The following PIGV variants were observed in gnomAD, a reference collection of about 807,000 sequenced individuals.
The protein encoded by PIGV is GPI alpha-1,6-mannosyltransferase 2.
PIGV carries 27 observed loss-of-function variants against 39.2 expected under a neutral mutation model. The ratio of observed to expected loss-of-function variants is 0.69; its 90% CI spans 0.51 to 0.95. The LOEUF (loss-of-function observed/expected upper bound fraction) is 0.95, where lower values mean the gene tolerates loss of function less well. Among genes scored for constraint, PIGV ranks in the 40% least tolerant of loss-of-function variants. The pLI is 0.00. For missense variants in PIGV, 523 were observed against 586.4 expected (o/e 0.89, Z 1.12); for synonymous variants, 232 against 241.7 (o/e 0.96, Z 0.37).
intron 3 of PIGV, among the ~76,000 whole-genome samples, chr1:26,796,135 C>T (rs967438033): frequency 6.7e-6 from 1 of 149,606 alleles, no homozygotes; most frequent in African/African-American, 2.5e-5. Flanking sequence ...GCTGGGATTA[C>T]AGGCGTGAGC....
intron 1 of PIGV, 71 bp from the exon 2 acceptor site, chr1:26,790,688 G>C: frequency 2.8e-6 from 2 of 726,126 alleles, no homozygotes; most frequent in South Asian, 3.1e-5. Context: ...GAGAGGGGAG[G>C]TTCCAGTGAC....
At chr1:26,790,417 A>C (rs1289952169) in intron 1 of PIGV, among the ~76,000 whole-genome samples, 1 of 152,162 alleles carries the variant, frequency 6.6e-6, no homozygotes, top group Non-Finnish European at 1.5e-5. Flanking sequence ...TAAAGAACTG[A>C]GGCTCAGAGG....
At position 26,798,756 on chromosome 1, in the gene PIGV, G is replaced by A. The variant is rs935484858; in HGVS notation, c.*912G>A. ...TACAAATCTTTCCATGTGGCAAAAAGTAAAATAATTTTAAAAAGTTAAAAT... is the reference window on the plus strand; with the variant it reads ...TACAAATCTTTCCATGTGGCAAAAAATAAAATAATTTTAAAAAGTTAAAAT... On this transcript the variant is annotated 3_prime_UTR_variant, in exon 4 of 4. Coordinates refer to ENST00000674202, the MANE Select transcript of PIGV (RefSeq NM_017837.4). Among the ~76,000 whole-genome samples the A allele has an allele frequency of 1.3e-5, 2 of 152,150 alleles. No individual in the cohort carries two copies. The highest frequency in any genetic ancestry group is 2.9e-5 in the Non-Finnish European group (2 of 68,024).
In PIGV at chr1:26,794,766, G is replaced by C; in HGVS notation, c.732G>C (p.Ser244=). The C allele has an allele frequency of 6.2e-7, 1 of 1,614,044 alleles. No individual in the cohort carries two copies. Among genetic ancestry groups the C allele is most frequent in the Non-Finnish European group, 8.5e-7 (1 of 1,180,008 alleles). ...AGCTGATGGCCTCTCTGTTTCTGTC[G>C]GTGTTCACACTTGGCCTTCCCTTTG... ...LFKLMASLFL[S]VFTLGLPFAL... is the part of the protein sequence containing the mutation. Residue 244 remains serine, a synonymous_variant, in exon 3 of 4, where the codon TCG becomes TCC. Coordinates refer to ENST00000674202, the MANE Select transcript of PIGV (RefSeq NM_017837.4).
Position 26,794,883 on chromosome 1 carries a change from G to A in PIGV, c.849G>A (p.Lys283=), listed in dbSNP as rs766949878. 6.2e-7 allele frequency: 1 copy of A among 1,614,204 alleles called. No individual in the cohort carries two copies. ...PEPLVQLAVD[K]GYRIAEGNEP... is the part of the protein sequence containing the mutation. Reference sequence around the variant, plus strand: ...CTTTGGTACAGTTAGCTGTAGACAAGGGCTACCGGATTGCAGAGGGAAATG... The same window carrying A: ...CTTTGGTACAGTTAGCTGTAGACAAAGGCTACCGGATTGCAGAGGGAAATG... The change falls in exon 3 of 4, where the codon AAG becomes AAA. Residue 283 remains lysine, a synonymous_variant. Transcript: ENST00000674202.
rs1010897932 is a variant in PIGV, at chr1:26,799,758, G to A, written c.*1914G>A. ...GAAAATGTACACACAGATCAGGGCA[G>A]CCCTCTGCCTTCTGCCAAGACACCA... On this transcript the variant is annotated 3_prime_UTR_variant, in exon 4 of 4. Transcript: ENST00000674202. 6.6e-6 allele frequency among the ~76,000 whole-genome samples: 1 copy of A among 152,206 alleles called. No homozygotes were observed. Among genetic ancestry groups the A allele is most frequent in the African/African-American group, 2.4e-5 (1 of 41,454 alleles).
At position 26,790,760 on chromosome 1, in the gene PIGV, G is replaced by A; in HGVS notation, c.-56G>A. 1 of 1,408,872 alleles carries A rather than the reference G, an allele frequency of 7.1e-7. No homozygotes were observed. The highest frequency in any genetic ancestry group is 1.0e-6 in the Non-Finnish European group (1 of 992,746). The allele number at this position is 1,408,872 out of a possible 1,614,324, so 87.3% of individuals were successfully genotyped here. A position where few individuals can be genotyped will look rare whatever the true frequency, so the allele number is the denominator to read the frequency against. On this transcript the variant is annotated splice_region_variant and 5_prime_UTR_variant, in exon 2 of 4. Coordinates refer to ENST00000674202, the MANE Select transcript of PIGV (RefSeq NM_017837.4). The stretch of plus-strand genomic sequence containing the variant: ...ACATTTTCCTCCTTTGGGGTTTAGA[G>A]GCCTGAGGGAGCTCAATCCTGGTAG...
rs1411515628 is a variant in PIGV at position 26,794,426 on chromosome 1, C to A, written c.392C>A (p.Ala131Glu). Residue 131 changes from alanine (A) to glutamate (E), a missense_variant, in exon 3 of 4, where the codon GCA (alanine) becomes GAA (glutamate). Coordinates refer to ENST00000674202, the MANE Select transcript of PIGV (RefSeq NM_017837.4). ...AATTTCTTGTTCTTCATGTTGGCTG[C>A]AGTTGCACTTCATGACCTGGGTTGT... Reference protein sequence around the residue: ...SLNFLFFMLAAVALHDLGCLV... With the variant: ...SLNFLFFMLAEVALHDLGCLV... The A allele has an allele frequency of 1.2e-6, 2 of 1,614,234 alleles. No homozygotes were observed. The highest frequency in any genetic ancestry group is 2.2e-5 in the South Asian group (2 of 91,088).
At chr1:26,792,008 G>A (rs902706208) in intron 2 of PIGV, among the ~76,000 whole-genome samples, 1 of 152,108 alleles carries the variant, frequency 6.6e-6, no homozygotes, top group Admixed American at 6.5e-5. Context: ...TGGTAATTTT[G>A]GAAACAGTAT....
chr1:26,794,432 C>T lies in PIGV; in HGVS notation c.398C>T (p.Ala133Val), dbSNP rs1454467423. Residue 133 changes from alanine (A) to valine (V), a missense_variant, in exon 3 of 4, where the codon GCA becomes GTA. Ala to Val is a moderately conservative substitution (Grantham distance 64). Coordinates refer to ENST00000674202, the MANE Select transcript of PIGV (RefSeq NM_017837.4). ...NFLFFMLAAVALHDLGCLVLH... is the reference protein window; with the variant it reads ...NFLFFMLAAVVLHDLGCLVLH... Reference sequence around the variant, plus strand: ...TTGTTCTTCATGTTGGCTGCAGTTGCACTTCATGACCTGGGTTGTCTGGTT... The same window carrying T: ...TTGTTCTTCATGTTGGCTGCAGTTGTACTTCATGACCTGGGTTGTCTGGTT... 2 of 1,614,216 alleles carry T rather than the reference C, an allele frequency of 1.2e-6. No homozygotes were observed. Among genetic ancestry groups the T allele is most frequent in the Admixed American group, 1.7e-5 (1 of 60,032 alleles).
intron 3 of PIGV, among the ~76,000 whole-genome samples, chr1:26,797,257 G>C (rs2081395783): frequency 6.6e-6 from 1 of 152,196 alleles, no homozygotes; most frequent in African/African-American, 2.4e-5. Context: ...ACAGAGTTTA[G>C]AGTCCAGGCC....
rs752262419 is a variant in PIGV at position 26,790,796 on chromosome 1, G to A, written c.-20G>A. On this transcript the variant is annotated 5_prime_UTR_variant, in exon 2 of 4. Coordinates refer to ENST00000674202, the MANE Select transcript of PIGV (RefSeq NM_017837.4). ...GCTCAATCCTGGTAGCAACACCCCT[G>A]AATTCCTGGTGGTGAAAGGATGTGG... The A allele has an allele frequency of 2.4e-5, 39 of 1,609,380 alleles. No homozygotes were observed. The highest frequency in any genetic ancestry group is 4.0e-5 in the African/African-American group (3 of 74,830).
chr1:26,790,920 T>G (rs747871641), intron 2 of PIGV, 27 bp downstream of exon 2: 3 of 1,576,642 alleles, frequency 1.9e-6, no homozygotes, highest in Non-Finnish European at 1.7e-6. Context: ...TTGTCCTGAA[T>G]GTGCTATTGC....
intron 1 of PIGV, among the ~76,000 whole-genome samples, chr1:26,789,258 C>G (rs1382253420): frequency 6.6e-6 from 1 of 152,204 alleles, no homozygotes; most frequent in Non-Finnish European, 1.5e-5. Context: ...GCCTTTGAAC[C>G]GAATTTTCGT....
At position 26,794,256 on chromosome 1, in the gene PIGV, T is replaced by C. The variant is rs561858083; in HGVS notation, c.222T>C (p.Ile74=). 11 of 1,614,268 alleles carry C rather than the reference T, an allele frequency of 6.8e-6. No individual in the cohort carries two copies. The South Asian group carries it at 1.1e-4, about 16-fold the overall frequency. ...SHWDAEHFLF[I]AEHGYLYEHN... ...GGGATGCTGAACACTTCTTGTTCAT[T>C]GCTGAGCATGGCTACCTGTATGAGC... Residue 74 remains isoleucine (I), a synonymous_variant, in exon 3 of 4, where the codon ATT becomes ATC. Coordinates refer to ENST00000674202, the MANE Select transcript of PIGV (RefSeq NM_017837.4).
In PIGV at chr1:26,797,479, C is replaced by T. The variant is rs1054949549; in HGVS notation, c.1201-84C>T. ...AGTCACAGGACCATAGTTCACCCAGCAGTAGAGAAGTCCCCGGGCTGGTCC... is the reference window on the plus strand; with the variant it reads ...AGTCACAGGACCATAGTTCACCCAGTAGTAGAGAAGTCCCCGGGCTGGTCC... On this transcript the variant is annotated intron_variant, in intron 3 of 3. Coordinates refer to ENST00000674202, the MANE Select transcript of PIGV (RefSeq NM_017837.4). 4.8e-6 allele frequency: 5 copies of T among 1,039,746 alleles called. No homozygotes were observed. The African/African-American group carries it at 7.8e-5, about 16-fold the overall frequency. The allele number at this position is 1,039,746 out of a possible 1,614,324, so 64.4% of individuals were successfully genotyped here.
intron 3 of PIGV, among the ~76,000 whole-genome samples, chr1:26,795,635 G>C (rs555270241): frequency 6.7e-6 from 1 of 148,998 alleles, no homozygotes; most frequent in Admixed American, 6.7e-5. Flanking sequence ...GCTTGAACCC[G>C]GGAGGTGGAG....
upstream of PIGV, among the ~76,000 whole-genome samples, chr1:26,787,291 C>T (rs1212530200): frequency 2.0e-5 from 3 of 151,888 alleles, no homozygotes; most frequent in Non-Finnish European, 4.4e-5. Context: ...TTTTTTTGGC[C>T]CCACTTCCTA....
At chr1:26,792,275 C>G (rs1201961846) in intron 2 of PIGV, among the ~76,000 whole-genome samples, 1 of 151,274 alleles carries the variant, frequency 6.6e-6, no homozygotes, top group Non-Finnish European at 1.5e-5. Flanking sequence ...TCCTCAGGCT[C>G]TGAAGTAGCT....
Sources: gnomAD v4.1 joint callset for allele counts (sites outside exome capture counted in the v4.1 genomes callset) on GRCh38, gnomAD v4.1.1 for gene constraint, MANE v1.5 for transcripts, NCBI Gene and HGNC (gene_info 2026-07-23, HGNC 2026-07-21) for gene names.